Variants in CACNB4 observed in about 807,000 individuals in gnomAD.
The protein encoded by CACNB4 is voltage-dependent L-type calcium channel subunit beta-4.
CACNB4 carries 32 observed loss-of-function variants against 71.2 expected under a neutral mutation model. The observed-to-expected ratio is 0.45, with a 90% CI of 0.34 to 0.60. The LOEUF (loss-of-function observed/expected upper bound fraction) is 0.60. Ranked by LOEUF, CACNB4 falls within the 20% of genes least tolerant of loss-of-function variation. The probability of loss-of-function intolerance (pLI) is 0.01; values close to 1 mark genes in which losing one functional copy is unlikely to be tolerated. For synonymous variants in CACNB4, 231 were observed against 236.9 expected, an observed-to-expected ratio of 0.97 and a Z score of 0.23; for missense variants, 464 against 647.9, an observed-to-expected ratio of 0.72 and a Z score of 3.08.
At chr2:151,942,562 G>A (rs2099864526) in intron 2 of CACNB4, among the ~76,000 whole-genome samples, 1 of 148,898 alleles carries the variant, frequency 6.7e-6, no homozygotes, top group South Asian at 2.1e-4. Flanking sequence ...CTGCCTGCAG[G>A]GTCCGGCAAA....
At chr2:152,068,293 G>A (rs562378064) in intron 2 of CACNB4, among the ~76,000 whole-genome samples, 1 of 152,224 alleles carries the variant, frequency 6.6e-6, no homozygotes, top group Admixed American at 6.5e-5. Context: ...TAGAGACCCT[G>A]CAAAGTCTTC....
intron 2 of CACNB4, among the ~76,000 whole-genome samples, chr2:152,015,077 C>A (rs1683268959): frequency 6.6e-6 from 1 of 152,182 alleles, no homozygotes; most frequent in Non-Finnish European, 1.5e-5. Flanking sequence ...TGAACCATTT[C>A]CTCCAGCTCT....
At chr2:152,081,481 G>C (rs1411533635) in intron 2 of CACNB4, among the ~76,000 whole-genome samples, 1 of 151,594 alleles carries the variant, frequency 6.6e-6, no homozygotes, top group Non-Finnish European at 1.5e-5. Flanking sequence ...GCAAGACCCT[G>C]TCAATAAAAA....
At chr2:151,876,981 T>A (rs2099846553) in intron 4 of CACNB4, among the ~76,000 whole-genome samples, 2 of 147,454 alleles carry the variant, frequency 1.4e-5, no homozygotes, top group South Asian at 4.2e-4. Flanking sequence ...TGTGTATATA[T>A]ACCTATACTA....
At chr2:151,843,276 G>C (rs1191987797) in intron 12 of CACNB4, among the ~76,000 whole-genome samples, 1 of 152,218 alleles carries the variant, frequency 6.6e-6, no homozygotes, top group Non-Finnish European at 1.5e-5. Flanking sequence ...AAAGAGAAAA[G>C]TCATTCCACA....
chr2:151,993,340 C>A (rs975768585), intron 2 of CACNB4, among the ~76,000 whole-genome samples: 1 of 151,952 alleles, frequency 6.6e-6, no homozygotes, highest in Non-Finnish European at 1.5e-5. Flanking sequence ...GAAATAGGAG[C>A]CTGGGGCCCA....
intron 9 of CACNB4, chr2:151,866,192 G>T (rs181500136): frequency 6.6e-6 from 1 of 152,168 alleles, no homozygotes; most frequent in Admixed American, 6.5e-5. Context: ...AATTTCTAAG[G>T]TATCAAAAAA....
At chr2:151,909,421 G>A (rs1042115833) in intron 2 of CACNB4, among the ~76,000 whole-genome samples, 2 of 145,322 alleles carry the variant, frequency 1.4e-5, no homozygotes, top group African/African-American at 5.1e-5. Context: ...GGGCGACACA[G>A]CGAGACTCCA....
intron 2 of CACNB4, among the ~76,000 whole-genome samples, chr2:152,083,871 C>CCA (rs1421017656): frequency 1.3e-5 from 2 of 152,218 alleles, no homozygotes; most frequent in Non-Finnish European, 2.9e-5. Context: ...CCCAAGGATC[C>CCA]CATTCCGATA....
intron 2 of CACNB4, among the ~76,000 whole-genome samples, chr2:151,928,827 G>A (rs891896407): frequency 1.3e-5 from 2 of 151,702 alleles, no homozygotes; most frequent in Non-Finnish European, 2.9e-5. Flanking sequence ...CTGGAGAATC[G>A]CTTGAACCTG....
At chr2:152,047,445 C>CA (rs1465467113) in intron 2 of CACNB4, among the ~76,000 whole-genome samples, 1 of 152,184 alleles carries the variant, frequency 6.6e-6, no homozygotes, top group Admixed American at 6.5e-5. Flanking sequence ...AATTGCAAAT[C>CA]AAAAAATCTT....
intron 2 of CACNB4, among the ~76,000 whole-genome samples, chr2:151,888,914 G>T (rs2099850053): frequency 6.6e-6 from 1 of 152,188 alleles, no homozygotes; most frequent in Non-Finnish European, 1.5e-5. Context: ...TGATGGACAT[G>T]GACACTGTCT....
At chr2:151,927,025 C>T (rs2099860414) in intron 2 of CACNB4, among the ~76,000 whole-genome samples, 1 of 152,140 alleles carries the variant, frequency 6.6e-6, no homozygotes, top group South Asian at 2.1e-4. Flanking sequence ...CCTTATGTTT[C>T]ACTTTAAGCA....
chr2:151,959,806 T>C (rs189828086), intron 2 of CACNB4, among the ~76,000 whole-genome samples: 2 of 152,338 alleles, frequency 1.3e-5, no homozygotes, highest in Non-Finnish European at 2.9e-5. Flanking sequence ...TTTATCAACA[T>C]ACTATTCAAT....
chr2:151,994,560 G>A (rs1387946743), intron 2 of CACNB4, among the ~76,000 whole-genome samples: 1 of 151,992 alleles, frequency 6.6e-6, no homozygotes, highest in Non-Finnish European at 1.5e-5. Context: ...CGCCCAGGCT[G>A]GAGTGCAGTG....
intron 2 of CACNB4, among the ~76,000 whole-genome samples, chr2:151,887,079 A>G (rs758741299): frequency 1.8e-4 from 27 of 152,106 alleles, no homozygotes; most frequent in Non-Finnish European, 3.2e-4. Context: ...AATGATCAAA[A>G]AGAGAGAGAG....
chr2:151,872,522 C>T (rs767028097), intron 5 of CACNB4, 29 bp from the exon 6 acceptor site: 2 of 1,206,498 alleles, frequency 1.7e-6, no homozygotes, highest in Non-Finnish European at 2.5e-6. Flanking sequence ...ACTAAAGACT[C>T]ACTCCCCAGA....
At chr2:151,902,050 T>G (rs1437313015) in intron 2 of CACNB4, among the ~76,000 whole-genome samples, 1 of 113,384 alleles carries the variant, frequency 8.8e-6, no homozygotes, top group Non-Finnish European at 2.1e-5. Flanking sequence ...TTTTTTTTTT[T>G]TTTTGACAAG....
chr2:151,851,964 T>C (rs998604085), intron 12 of CACNB4: 4 of 152,202 alleles, frequency 2.6e-5, no homozygotes, highest in Non-Finnish European at 4.4e-5. Context: ...CACTGTGTAA[T>C]TGGGCTTCAC....
Sources: allele counts gnomAD v4.1 joint callset (sites outside exome capture counted in the v4.1 genomes callset), GRCh38; gene constraint gnomAD v4.1.1; transcripts MANE v1.5; gene names NCBI Gene and HGNC (gene_info 2026-07-23, HGNC 2026-07-21).